BRCA1: variants seen among roughly 807,000 people sequenced by gnomAD.
BRCA1 encodes BRCA1 DNA repair associated.
In BRCA1, 140 loss-of-function variants were observed where a neutral mutation model predicts 173.7. The observed-to-expected ratio is 0.81, with a 90% CI of 0.70 to 0.93. BRCA1 has a LOEUF of 0.93. Among genes scored for constraint, BRCA1 ranks in the 40% least tolerant of loss-of-function variants. BRCA1 has a pLI of 0.00. For missense variants in BRCA1, 1,983 were observed against 2,172.5 expected, an observed-to-expected ratio of 0.91 and a Z score of 1.73; for synonymous variants, 662 against 756.0, an observed-to-expected ratio of 0.88 and a Z score of 2.04.
chr17:43,051,208 ACTTTC>A, intron 19 of BRCA1, 91 bp from the exon 20 acceptor site: 1 of 1,246,310 alleles, frequency 8.0e-7, no homozygotes, highest in Admixed American at 1.8e-5. Context: ...CAAAAAACAG[ACTTTC>A]AAAAAGGAAG....
Position 43,098,201 on chromosome 17 carries a change from G to T in BRCA1, c.548-912C>A, listed in dbSNP as rs182070451. ...CACCACACCCAGCTAATTTAAAAAA[G>T]AAATTTTTTTGTAGAGATGAGGTCT... On this transcript the variant is annotated intron_variant, in intron 7 of 22. Coordinates refer to ENST00000357654, the MANE Select transcript of BRCA1 (RefSeq NM_007294.4). 3.6e-4 allele frequency among the ~76,000 whole-genome samples: 55 copies of T among 151,460 alleles called. 1 individual carries two copies. Among genetic ancestry groups the T allele is most frequent in the African/African-American group, 1.3e-3 (54 of 41,336 alleles).
intron 2 of BRCA1, among the ~76,000 whole-genome samples, chr17:43,117,872 T>C (rs551335995): frequency 2.4e-4 from 36 of 152,334 alleles, no homozygotes; most frequent in Non-Finnish European, 4.7e-4. Flanking sequence ...CAAGTGTTTA[T>C]TAAGTATCTA....
At chr17:43,135,926 C>A (rs1203493319) in intron 1 of BRCA1, among the ~76,000 whole-genome samples, 1 of 152,224 alleles carries the variant, frequency 6.6e-6, no homozygotes, top group African/African-American at 2.4e-5. Context: ...CTGCTCACCT[C>A]CAGCTGAAGA....
rs8176119 is a variant in BRCA1 at position 43,110,085 on chromosome 17, G to A, written c.135-3552C>T. 8.9e-3 allele frequency among the ~76,000 whole-genome samples: 1,354 copies of A among 151,932 alleles called. 18 individuals are homozygous for A. The highest frequency in any genetic ancestry group is 0.031 in the African/African-American group (1,276 of 41,448). On this transcript the variant is annotated intron_variant, in intron 3 of 22. Coordinates refer to ENST00000357654, the MANE Select transcript of BRCA1 (RefSeq NM_007294.4). The stretch of plus-strand genomic sequence containing the variant: ...AACTTTTTGTAATTTTAGTAGAGGC[G>A]GGGTTTCACCATGTTAGCCAGGATG...
At chr17:43,061,280 G>T (rs988298162) in intron 18 of BRCA1, among the ~76,000 whole-genome samples, 2 of 152,112 alleles carry the variant, frequency 1.3e-5, no homozygotes, top group Non-Finnish European at 2.9e-5. Flanking sequence ...TTTCAGAAAG[G>T]CTTTCCCTGG....
intron 12 of BRCA1, chr17:43,079,898 T>C: frequency 1.6e-6 from 1 of 638,728 alleles, no homozygotes; most frequent in Non-Finnish European, 2.8e-6. Flanking sequence ...CCTCATGCAA[T>C]GAAGCAAATA....
intron 21 of BRCA1, 49 bp from the exon 22 acceptor site, chr17:43,047,752 C>G (rs2152819710): frequency 6.3e-7 from 1 of 1,589,292 alleles, no homozygotes; most frequent in East Asian, 2.2e-5. Context: ...AGTAGGACTA[C>G]TGGAACTGTC....
At chr17:43,160,728 A>G (rs2056230844) in intron 1 of BRCA1, 1 of 152,074 alleles carries the variant, frequency 6.6e-6, no homozygotes, top group Non-Finnish European at 1.5e-5. Context: ...TTATTCCCCC[A>G]CTTTGAGACT....
At chr17:43,129,650 T>C (rs1209212632), upstream of BRCA1, among the ~76,000 whole-genome samples, 1 of 152,104 alleles carries the variant, frequency 6.6e-6, no homozygotes, top group Non-Finnish European at 1.5e-5. Context: ...ATTTTTTGTG[T>C]TTTTAGTAGA....
Position 43,152,630 on chromosome 17 carries a change from G to A in BRCA1, c.-20+17496C>T, listed in dbSNP as rs142548616. Among the ~76,000 whole-genome samples the A allele has an allele frequency of 9.4e-3, 1,432 of 152,144 alleles. 19 individuals carry two copies. The highest frequency in any genetic ancestry group is 0.032 in the African/African-American group (1,347 of 41,490). ...AGCACTCTGGGAGGCTGAGGTGGGC[G>A]GATCACAAGGTTAGGAGATCGAGAC... On this transcript the variant is annotated intron_variant, in intron 1 of 7. Transcript: ENST00000634433.
At chr17:43,070,402 A>T (rs2052331264) in intron 15 of BRCA1, among the ~76,000 whole-genome samples, 1 of 152,182 alleles carries the variant, frequency 6.6e-6, no homozygotes, top group African/African-American at 2.4e-5. Context: ...CATTTCTGGC[A>T]TTAAGGACCC....
intron 1 of BRCA1, among the ~76,000 whole-genome samples, chr17:43,136,730 A>G (rs2154581409): frequency 6.6e-6 from 1 of 152,340 alleles, no homozygotes; most frequent in East Asian, 1.9e-4. Flanking sequence ...CAAAACCACA[A>G]TGAGATACCA....
At chr17:43,066,993 T>C (rs1333070571) in intron 16 of BRCA1, among the ~76,000 whole-genome samples, 1 of 151,070 alleles carries the variant, frequency 6.6e-6, no homozygotes, top group Admixed American at 6.6e-5. Flanking sequence ...AATTTTTATA[T>C]TTTTAGTAGA....
At chr17:43,107,203 TAC>T (rs1328339734) in intron 3 of BRCA1, among the ~76,000 whole-genome samples, 1 of 151,436 alleles carries the variant, frequency 6.6e-6, no homozygotes, top group Non-Finnish European at 1.5e-5. Context: ...CAGCTGGGAC[TAC>T]AGGCGCCCAG....
chr17:43,144,831 G>C, intron 1 of BRCA1: 1 of 451,238 alleles, frequency 2.2e-6, no homozygotes, highest in South Asian at 1.8e-5. Flanking sequence ...GACCAGCCTG[G>C]CCAACATAGC....
Position 43,104,104 on chromosome 17 carries a change from G to GAAA in BRCA1, c.441+15_441+17dup. ...AAGAAAAGAAGAAGAAGAAGAAGAA[G>GAAA]AAAACAAATGGTTTTACCAAGGAAG... On this transcript the variant is annotated intron_variant, in intron 6 of 22. Transcript: ENST00000357654. 6.4e-7 allele frequency: 1 copy of GAAA among 1,561,152 alleles called. No individual in the cohort carries two copies.
At chr17:43,141,453 A>G (rs1274460758) in intron 1 of BRCA1, among the ~76,000 whole-genome samples, 1 of 151,890 alleles carries the variant, frequency 6.6e-6, no homozygotes, top group Non-Finnish European at 1.5e-5. Context: ...GCTGGGTGAC[A>G]CATCAAGACC....
At chr17:43,067,806 C>A (rs9897466) in intron 15 of BRCA1, 111 bp from the exon 16 acceptor site, 4 of 708,032 alleles carry the variant, frequency 5.6e-6, no homozygotes, top group South Asian at 1.5e-5. Flanking sequence ...CCTGCACGTT[C>A]TACACGTGTC....
chr17:43,046,222 CTTT>C (rs71157698), intron 22 of BRCA1, among the ~76,000 whole-genome samples: 125 of 68,298 alleles, frequency 1.8e-3, no homozygotes, highest in Middle Eastern at 0.019. Context: ...TGCACCTGGC[CTTT>C]TTTTTTTTTT....
Sources: allele counts gnomAD v4.1 joint callset (sites outside exome capture counted in the v4.1 genomes callset), GRCh38; gene constraint gnomAD v4.1.1; transcripts MANE v1.5; gene names NCBI Gene and HGNC (gene_info 2026-07-23, HGNC 2026-07-21).